SAFB2: variants seen among roughly 807,000 people sequenced by gnomAD.
SAFB2 encodes scaffold attachment factor B2.
In SAFB2, 32 loss-of-function variants were observed where a neutral mutation model predicts 100.6. The observed-to-expected ratio is 0.32, with a 90% CI of 0.24 to 0.43. SAFB2 has a LOEUF of 0.43. SAFB2 is among the 20% of genes least tolerant of loss of function. The probability of loss-of-function intolerance (pLI) is 1.00; values close to 1 mark genes in which losing one functional copy is unlikely to be tolerated. For synonymous variants in SAFB2, 500 were observed against 439.4 expected, an observed-to-expected ratio of 1.14 and a Z score of -1.72; for missense variants, 1,185 against 1,163.4, an observed-to-expected ratio of 1.02 and a Z score of -0.27.
Position 5,604,627 on chromosome 19 carries a change from T to C in SAFB2, c.1515A>G (p.Leu505=), listed in dbSNP as rs1316712973. 3.7e-6 allele frequency: 6 copies of C among 1,614,078 alleles called. No homozygotes were observed. Among genetic ancestry groups the C allele is most frequent in the Admixed American group, 3.3e-5 (2 of 60,004 alleles). Residue 505 remains leucine (L), a synonymous_variant, in exon 11 of 21, where the codon TTA becomes TTG. Coordinates refer to ENST00000252542, the MANE Select transcript of SAFB2 (RefSeq NM_014649.3). ...CAGAATGATGTCTGTCGACACTCGA[T>C]AATTTTTCCTTCTTCACTTCGCACT... ...RKECEVKKEK[L]SSVDRHHSVE...
intron 9 of SAFB2, among the ~76,000 whole-genome samples, chr19:5,608,688 C>T (rs1015900356): frequency 6.6e-6 from 1 of 152,142 alleles, no homozygotes; most frequent in African/African-American, 2.4e-5. Context: ...CTAAATGGTC[C>T]GAACCTTGTC....
chr19:5,621,385 T>A lies in SAFB2; in HGVS notation c.198A>T (p.Glu66Asp), dbSNP rs1568234870. 1 of 1,611,230 alleles carries A rather than the reference T, an allele frequency of 6.2e-7. No homozygotes were observed. Reference sequence around the variant, plus strand: ...CAATTTCATCAGGATCTTGCCCCTCTTCTTTAACCGCCTATTAGGGAGAGA... The same window carrying A: ...CAATTTCATCAGGATCTTGCCCCTCATCTTTAACCGCCTATTAGGGAGAGA... ...LMERLKKAVK[E>D]EGQDPDEIGI... The change falls in exon 2 of 21, where the codon GAA (glutamate) becomes GAT (aspartate). Residue 66 changes from glutamate (E) to aspartate (D), a missense_variant. Physicochemically the swap from Glu to Asp is conservative, Grantham distance 45. Transcript: ENST00000252542.
chr19:5,617,958 C>T (rs183962583), intron 2 of SAFB2, among the ~76,000 whole-genome samples: 1 of 152,176 alleles, frequency 6.6e-6, no homozygotes, highest in East Asian at 1.9e-4. Flanking sequence ...GTTCGGGCAA[C>T]AAAGTGAGAC....
At position 5,613,704 on chromosome 19, in the gene SAFB2, G is replaced by A. The variant is rs570014552; in HGVS notation, c.544-177C>T. On this transcript the variant is annotated intron_variant, in intron 4 of 20. Transcript: ENST00000252542. ...CTCTCCGCCAGAACACACACTCCAC[G>A]ACTCTGCTCCACCAGCGTCTCTGGC... 68 of 985,416 alleles carry A rather than the reference G, an allele frequency of 6.9e-5. 1 individual carries two copies. In the African/African-American group the frequency reaches 1.1e-3, roughly 16 times the overall value. The allele number at this position is 985,416 out of a possible 1,614,324, so 61.0% of individuals were successfully genotyped here. A position where few individuals can be genotyped will look rare whatever the true frequency, so the allele number is the denominator to read the frequency against.
Position 5,587,881 on chromosome 19 carries a change from G to A in SAFB2, c.2625C>T (p.His875=), listed in dbSNP as rs774017187. 24 of 1,611,400 alleles carry A rather than the reference G, an allele frequency of 1.5e-5. No individual in the cohort carries two copies. The highest frequency in any genetic ancestry group is 1.2e-4 in the Admixed American group (7 of 59,816). The part of the protein sequence containing the change: ...AMDAGAASRE[H]ARWQGGERGL... ...CCAGCCCCGTACCTTGCCACCTGGC[G>A]TGCTCCCGGCTAGCCGCGCCTGCGT... The change falls in exon 19 of 21, where the codon CAC becomes CAT. Residue 875 remains histidine (H), a synonymous_variant. Coordinates refer to ENST00000252542, the MANE Select transcript of SAFB2 (RefSeq NM_014649.3). This position sits in a 1 kb window ranked among gnomAD's most constrained non-coding sequence, Gnocchi z 4.9.
intron 11 of SAFB2, 69 bp downstream of exon 11, chr19:5,604,514 A>C (rs1160615270): frequency 8.6e-7 from 1 of 1,166,776 alleles, no homozygotes; most frequent in East Asian, 2.4e-5. Context: ...CGTGTTTTTC[A>C]AGGCCCATGG....
intron 15 of SAFB2, 93 bp from the exon 16 acceptor site, chr19:5,592,980 C>A: frequency 8.4e-7 from 1 of 1,189,190 alleles, no homozygotes; most frequent in Non-Finnish European, 1.2e-6. Flanking sequence ...GGAGCTCTCT[C>A]CCCAGACCCA....
At position 5,613,314 on chromosome 19, in the gene SAFB2, C is replaced by A. The variant is rs1599271558; in HGVS notation, c.606+151G>T. Reference sequence around the variant, plus strand: ...CCACTGCCCCTGCTAGATGGCCAGCCCTGAGACTGTTTCTCTTCTGCTAAC... The same window carrying A: ...CCACTGCCCCTGCTAGATGGCCAGCACTGAGACTGTTTCTCTTCTGCTAAC... On this transcript the variant is annotated intron_variant, in intron 5 of 20. Transcript: ENST00000252542. 7.2e-6 allele frequency: 5 copies of A among 690,066 alleles called. No individual in the cohort carries two copies. In the East Asian group the frequency reaches 1.4e-4, roughly 19 times the overall value. 42.7% of individuals were successfully genotyped at this position (690,066 alleles called of 1,614,324 possible). A position where few individuals can be genotyped will look rare whatever the true frequency, so the allele number is the denominator to read the frequency against.
In SAFB2 at chr19:5,587,757, C is replaced by T. The variant is rs367591421; in HGVS notation, c.2649G>A (p.Arg883=). ...CCGGCCCCGAGGGCCCAGACAGGCC[C>T]CTCTCGCCACCTAGAAGAGAAGAAG... ...REHARWQGGE[R]GLSGPSGPGH... is the part of the protein sequence containing the mutation. Residue 883 remains arginine (R), a synonymous_variant, in exon 20 of 21, where the codon AGG becomes AGA. Coordinates refer to ENST00000252542, the MANE Select transcript of SAFB2 (RefSeq NM_014649.3). The surrounding 1 kb of genome is among the most constrained non-coding windows in gnomAD (Gnocchi z 4.9). The T allele has an allele frequency of 7.7e-6, 12 of 1,552,294 alleles. No individual in the cohort carries two copies. In the Admixed American group the frequency reaches 7.8e-5, roughly 10 times the overall value.
chr19:5,593,977 G>C lies in SAFB2; in HGVS notation c.2121C>G (p.Arg707=). Residue 707 remains arginine (R), a synonymous_variant, in exon 15 of 21, where the codon CGC becomes CGG. Transcript: ENST00000252542. ...ERRKEQERIH[R]EREELRRQQE... ...GCTGGCGCCGCAGCTCCTCGCGCTC[G>C]CGGTGGATGCGCTCCTGCTCCTTCC... is the stretch of plus-strand genomic sequence containing the variant. 6.4e-7 allele frequency: 1 copy of C among 1,552,520 alleles called. No homozygotes were observed. The highest frequency in any genetic ancestry group is 2.4e-5 in the East Asian group (1 of 41,788).
chr19:5,604,622 C>T lies in SAFB2; in HGVS notation c.1520G>A (p.Ser507Asn). ...ECEVKKEKLS[S>N]VDRHHSVEIK... is the part of the protein sequence containing the mutation. ...CTCCACAGAATGATGTCTGTCGACA[C>T]TCGATAATTTTTCCTTCTTCACTTC... The change falls in exon 11 of 21, where the codon AGT (serine) becomes AAT (asparagine). Residue 507 changes from serine (S) to asparagine (N), a missense_variant. Transcript: ENST00000252542. 6 of 1,614,154 alleles carry T rather than the reference C, an allele frequency of 3.7e-6. No homozygotes were observed. The highest frequency in any genetic ancestry group is 2.7e-5 in the African/African-American group (2 of 75,042).
At chr19:5,612,699 A>C in intron 5 of SAFB2, 132 bp from the exon 6 acceptor site, 2 of 701,196 alleles carry the variant, frequency 2.9e-6, no homozygotes, top group Non-Finnish European at 5.0e-6. Context: ...TCTCCAAAAA[A>C]TGTATTCCAT....
chr19:5,599,074 G>T (rs1412561640), intron 12 of SAFB2, among the ~76,000 whole-genome samples, 190 bp from the exon 13 acceptor site: 2 of 152,060 alleles, frequency 1.3e-5, no homozygotes, highest in African/African-American at 2.4e-5. Flanking sequence ...CATCATGGGG[G>T]TACCCTCACA....
At position 5,595,409 on chromosome 19, in the gene SAFB2, T is replaced by G. The variant is rs779380222; in HGVS notation, c.1871A>C (p.Glu624Ala). ...FDKIKEQRERERQRQREREIR... is the reference protein window; with the variant it reads ...FDKIKEQRERARQRQREREIR... The stretch of plus-strand genomic sequence containing the variant: ...CTCCCGTTCCCGCTGCCTCTGGCGC[T>G]CTCTCTCCCTTTGTTCTTTGATTTT... Residue 624 changes from glutamate (E) to alanine (A), a missense_variant, in exon 14 of 21, where the codon GAG (glutamate) becomes GCG (alanine). Coordinates refer to ENST00000252542, the MANE Select transcript of SAFB2 (RefSeq NM_014649.3). 1.9e-6 allele frequency: 3 copies of G among 1,613,388 alleles called. No individual in the cohort carries two copies. Among genetic ancestry groups the G allele is most frequent in the Non-Finnish European group, 1.7e-6 (2 of 1,179,916 alleles).
At chr19:5,619,497 G>A (rs1373494317) in intron 2 of SAFB2, among the ~76,000 whole-genome samples, 2 of 152,170 alleles carry the variant, frequency 1.3e-5, no homozygotes, top group Non-Finnish European at 2.9e-5. Flanking sequence ...GGTCTTCAAA[G>A]CACTCAGCTA....
chr19:5,587,888 C>T lies in SAFB2; in HGVS notation c.2618G>A (p.Arg873Gln), dbSNP rs1293639920. Residue 873 changes from arginine to glutamine, a missense_variant, in exon 19 of 21, where the codon CGG becomes CAG. Around this residue, in one of 3 missense-constraint regions of SAFB2, gnomAD observed 740 missense variants for 687.1 expected, o/e 1.08. Coordinates refer to ENST00000252542, the MANE Select transcript of SAFB2 (RefSeq NM_014649.3). The surrounding 1 kb of genome is among the most constrained non-coding windows in gnomAD (Gnocchi z 4.9). ...QGAMDAGAASREHARWQGGER... is the reference protein window; with the variant it reads ...QGAMDAGAASQEHARWQGGER... Reference sequence around the variant, plus strand: ...CGTACCTTGCCACCTGGCGTGCTCCCGGCTAGCCGCGCCTGCGTCCATGGC... The same window carrying T: ...CGTACCTTGCCACCTGGCGTGCTCCTGGCTAGCCGCGCCTGCGTCCATGGC... 6.2e-6 allele frequency: 10 copies of T among 1,611,556 alleles called. No individual in the cohort carries two copies. Among genetic ancestry groups the T allele is most frequent in the Middle Eastern group, 1.6e-4 (1 of 6,076 alleles).
intron 13 of SAFB2, chr19:5,598,465 C>T (rs2052579716): frequency 3.1e-6 from 1 of 325,822 alleles, no homozygotes; most frequent in South Asian, 4.1e-5. Flanking sequence ...TTAAGTCAAC[C>T]AAAGAGTAGG....
In SAFB2 at chr19:5,587,359, C is replaced by T. The variant is rs768836967; in HGVS notation, c.2746G>A (p.Val916Met). ...CCTTCCAGTCCGCCACCTGGCACCA[C>T]GTGGCCCTGGGAATGTCCACCTTGT... ...FAQGGHSQGH[V>M]VPGGGLEGGG... Residue 916 changes from valine to methionine, a missense_variant, in exon 21 of 21, where the codon GTG becomes ATG. Physicochemically the swap from Val to Met is conservative, Grantham distance 21. Around this residue, in one of 3 missense-constraint regions of SAFB2, gnomAD observed 740 missense variants for 687.1 expected, o/e 1.08. Transcript: ENST00000252542. This position sits in a 1 kb window ranked among gnomAD's most constrained non-coding sequence, Gnocchi z 4.9. 5 of 1,613,134 alleles carry T rather than the reference C, an allele frequency of 3.1e-6. No homozygotes were observed. Among genetic ancestry groups the T allele is most frequent in the African/African-American group, 1.3e-5 (1 of 75,046 alleles).
At chr19:5,599,642 G>T (rs928438226) in intron 12 of SAFB2, among the ~76,000 whole-genome samples, 18 of 152,058 alleles carry the variant, frequency 1.2e-4, no homozygotes, top group African/African-American at 3.9e-4. Flanking sequence ...AGATTCAAAG[G>T]TGTAAAGCAC....
Sources: allele counts gnomAD v4.1 joint callset (sites outside exome capture counted in the v4.1 genomes callset), GRCh38; gene constraint gnomAD v4.1.1; regional missense constraint gnomAD v4.1.1; non-coding constraint Gnocchi (gnomAD v3.1); transcripts MANE v1.5; gene names NCBI Gene and HGNC (gene_info 2026-07-23, HGNC 2026-07-21).